The following PASD1 variants were observed in gnomAD, a reference collection of about 807,000 sequenced individuals.
PASD1 encodes circadian clock protein PASD1.
PASD1 carries 13 observed loss-of-function variants against 58.8 expected under a neutral mutation model. The ratio of observed to expected loss-of-function variants is 0.22; its 90% CI spans 0.14 to 0.35. The LOEUF (loss-of-function observed/expected upper bound fraction) is 0.35. Ranked by LOEUF, PASD1 falls within the 10% of genes least tolerant of loss-of-function variation. The probability of loss-of-function intolerance (pLI) is 1.00; values close to 1 mark genes in which losing one functional copy is unlikely to be tolerated. For missense variants in PASD1, 734 were observed against 568.3 expected (o/e 1.29, Z -2.96); for synonymous variants, 236 against 216.7 (o/e 1.09, Z -0.78).
intron 1 of PASD1, among the ~76,000 whole-genome samples, chrX:151,581,296 A>T (rs1247539033): frequency 2.8e-5 from 3 of 107,657 alleles, no homozygotes; most frequent in African/African-American, 1.0e-4. Context: ...AAATTTATTT[A>T]AAAATGTCTT....
chrX:151,654,186 T>C (rs1270693699), intron 9 of PASD1, among the ~76,000 whole-genome samples: 1 of 107,906 alleles, frequency 9.3e-6, no homozygotes, highest in African/African-American at 3.4e-5. Flanking sequence ...CCCAAGCTGG[T>C]CTCAAACTTC....
intron 1 of PASD1, among the ~76,000 whole-genome samples, chrX:151,574,151 C>A (rs2012966726): frequency 8.9e-6 from 1 of 112,348 alleles, no homozygotes; most frequent in African/African-American, 3.2e-5. Context: ...TTGTGCCAAA[C>A]AGGTAGTCCC....
chrX:151,653,786 CT>C (rs1569413693), intron 9 of PASD1, among the ~76,000 whole-genome samples: 1 of 17,046 alleles, frequency 5.9e-5, no homozygotes, highest in African/African-American at 1.5e-4. Context: ...TTCTTTCTTT[CT>C]TTCTTTCTTT....
intron 1 of PASD1, among the ~76,000 whole-genome samples, chrX:151,572,305 A>G (rs940446855): frequency 1.3e-4 from 15 of 111,633 alleles, no homozygotes; most frequent in African/African-American, 4.2e-4. Context: ...AAAACACCAG[A>G]CACAGTGCCT....
chrX:151,666,039 C>G (rs772518420), intron 11 of PASD1, among the ~76,000 whole-genome samples: 1 of 109,119 alleles, frequency 9.2e-6, no homozygotes, highest in South Asian at 4.1e-4. Context: ...ATAATGAAAA[C>G]AACAACTTGT....
intron 8 of PASD1, among the ~76,000 whole-genome samples, chrX:151,641,561 G>A (rs962144626): frequency 7.2e-5 from 8 of 111,287 alleles, no homozygotes; most frequent in Non-Finnish European, 1.5e-4. Context: ...GATTTTGAAA[G>A]CCATAAGAAT....
intron 8 of PASD1, among the ~76,000 whole-genome samples, chrX:151,633,019 A>G (rs768011632): frequency 8.9e-6 from 1 of 112,309 alleles, no homozygotes; most frequent in Non-Finnish European, 1.9e-5. Context: ...ACCATTAACT[A>G]CAAAGGGCTA....
intron 3 of PASD1, among the ~76,000 whole-genome samples, chrX:151,605,038 C>G (rs1411324926): frequency 1.8e-5 from 2 of 111,998 alleles, no homozygotes; most frequent in African/African-American, 6.5e-5. Context: ...ATCTGGTAGA[C>G]TAGTTCAACA....
At chrX:151,583,777 A>C (rs987570142) in intron 1 of PASD1, among the ~76,000 whole-genome samples, 1 of 111,736 alleles carries the variant, frequency 8.9e-6, no homozygotes, top group Non-Finnish European at 1.9e-5. Flanking sequence ...GCTGGCTCGG[A>C]GTATGCACTT....
intron 10 of PASD1, 78 bp downstream of exon 10, chrX:151,659,914 T>C: frequency 1.0e-6 from 1 of 1,001,519 alleles, no homozygotes; most frequent in Non-Finnish European, 1.4e-6. Context: ...GTTTTTCAAA[T>C]GAATATAATG....
intron 1 of PASD1, among the ~76,000 whole-genome samples, chrX:151,582,082 G>A (rs2013105949): frequency 9.5e-6 from 1 of 105,178 alleles, no homozygotes. Context: ...CGCCTCCCGG[G>A]TTCACGTGAT....
chrX:151,669,496 C>T (rs191774916), intron 11 of PASD1, among the ~76,000 whole-genome samples: 199 of 110,568 alleles, frequency 1.8e-3, no homozygotes, highest in Middle Eastern at 4.8e-3. Flanking sequence ...TTGTTCCTAA[C>T]GTTTAACTGT....
chrX:151,585,697 A>C (rs918409127), intron 1 of PASD1, among the ~76,000 whole-genome samples: 2 of 111,371 alleles, frequency 1.8e-5, no homozygotes, highest in African/African-American at 6.5e-5. Context: ...ATGTTATGAA[A>C]ATTGACTTGG....
chrX:151,628,523 C>T (rs143906226), intron 8 of PASD1, among the ~76,000 whole-genome samples: 1,802 of 110,830 alleles, frequency 0.016, 16 homozygotes, highest in African/African-American at 0.025. Flanking sequence ...TGTAGATATG[C>T]GGCATTATTC....
At chrX:151,645,904 T>TTTGTTTTGTTTTGTTTTGTTTTG (rs60564694) in intron 8 of PASD1, 8,508 of 106,634 alleles carry the variant, frequency 0.08, 406 homozygotes, top group African/African-American at 0.17. Flanking sequence ...TGTGAGGTGT[T>TTTGTTTTGTTTTGTTTTGTTTTG]TTTTGTTTTG....
chrX:151,618,485 C>T (rs1333238531), intron 4 of PASD1, among the ~76,000 whole-genome samples: 3 of 111,940 alleles, frequency 2.7e-5, no homozygotes, highest in East Asian at 2.8e-4. Flanking sequence ...CGGTATTATT[C>T]ATTCATTCAA....
chrX:151,636,637 C>T (rs942510953), intron 8 of PASD1, among the ~76,000 whole-genome samples: 1 of 111,716 alleles, frequency 9.0e-6, no homozygotes, highest in Non-Finnish European at 1.9e-5. Flanking sequence ...CTCCTTACCT[C>T]AGGTGATCCA....
At chrX:151,566,341 C>T (rs1003164057) in intron 1 of PASD1, among the ~76,000 whole-genome samples, 2 of 112,444 alleles carry the variant, frequency 1.8e-5, no homozygotes, top group African/African-American at 6.5e-5. Flanking sequence ...AGCCCATCTT[C>T]CCCAAAGAGG....
intron 8 of PASD1, among the ~76,000 whole-genome samples, chrX:151,639,818 C>G (rs780298972): frequency 3.6e-5 from 4 of 111,747 alleles, no homozygotes; most frequent in Admixed American, 2.9e-4. Flanking sequence ...TTTCTGATTT[C>G]TAGAATACAG....
Sources: allele counts gnomAD v4.1 joint callset (sites outside exome capture counted in the v4.1 genomes callset), GRCh38; gene constraint gnomAD v4.1.1; transcripts MANE v1.5; gene names NCBI Gene and HGNC (gene_info 2026-07-23, HGNC 2026-07-21).